Variants in DDIAS observed in about 807,000 individuals in gnomAD.
The protein encoded by DDIAS is DNA damage induced apoptosis suppressor, also known as DNA damage-induced apoptosis suppressor protein.
Under a neutral mutation model 15.7 loss-of-function variants are expected in DDIAS, and 14 were observed. The observed-to-expected ratio is 0.89, with a 90% CI of 0.59 to 1.39. DDIAS has a LOEUF of 1.39. DDIAS is among the 40% of genes most tolerant of loss of function. DDIAS has a pLI of 0.00. For synonymous variants in DDIAS, 355 were observed against 395.9 expected, an observed-to-expected ratio of 0.90 and a Z score of 1.23; for missense variants, 1,035 against 1,130.9, an observed-to-expected ratio of 0.92 and a Z score of 1.22.
rs1042287972 is a variant in DDIAS at position 82,934,437 on chromosome 11, A to G, written c.*102A>G. Reference sequence around the variant, plus strand: ...TTTACATTTTGAACACTTGGAGAGAAGCAAATTGAAAACAGGACTCTGCTG... The same window carrying G: ...TTTACATTTTGAACACTTGGAGAGAGGCAAATTGAAAACAGGACTCTGCTG... On this transcript the variant is annotated 3_prime_UTR_variant, in exon 6 of 6. Transcript: ENST00000533655. 2 of 1,225,138 alleles carry G rather than the reference A, an allele frequency of 1.6e-6. No homozygotes were observed. The highest frequency in any genetic ancestry group is 3.1e-5 in the African/African-American group (2 of 65,572). The allele number at this position is 1,225,138 out of a possible 1,614,324, so 75.9% of individuals were successfully genotyped here. A position where few individuals can be genotyped will look rare whatever the true frequency, so the allele number is the denominator to read the frequency against.
rs147654461 is a variant in DDIAS, at chr11:82,927,723, T to C, written c.114-1054T>C. The stretch of plus-strand genomic sequence containing the variant: ...ACCTGAAAGATAGAAATCAGAGTTA[T>C]AATACATTGCAAACTAGAAGAGAAG... On this transcript the variant is annotated intron_variant, in intron 3 of 5. Coordinates refer to ENST00000533655, the MANE Select transcript of DDIAS (RefSeq NM_145018.4). 3.5e-3 allele frequency among the ~76,000 whole-genome samples: 532 copies of C among 152,358 alleles called. 6 individuals carry two copies. The highest frequency in any genetic ancestry group is 0.012 in the African/African-American group (495 of 41,584).
chr11:82,920,981 G>A (rs1860734293), intron 3 of DDIAS, among the ~76,000 whole-genome samples: 1 of 152,080 alleles, frequency 6.6e-6, no homozygotes, highest in South Asian at 2.1e-4. Flanking sequence ...TAGTATTGAA[G>A]TCCTCCACTA....
intron 1 of DDIAS, among the ~76,000 whole-genome samples, chr11:82,913,008 C>T (rs921046495): frequency 1.3e-5 from 2 of 152,130 alleles, no homozygotes; most frequent in Admixed American, 6.5e-5. Flanking sequence ...CACCCCAAAA[C>T]AATTACAATA....
chr11:82,914,585 G>T, intron 2 of DDIAS, 138 bp from the exon 3 acceptor site: 1 of 510,186 alleles, frequency 2.0e-6, no homozygotes. Context: ...CCAATACATT[G>T]ATACCACCTT....
At chr11:82,909,756 T>G (rs11823307) in intron 1 of DDIAS, among the ~76,000 whole-genome samples, 7,451 of 152,260 alleles carry the variant, frequency 0.049, 271 homozygotes, top group African/African-American at 0.1. Context: ...CATAATCGGC[T>G]TTGGCAGAAC....
intron 2 of DDIAS, 46 bp from the exon 3 acceptor site, chr11:82,914,662 AAAGAATATGCACTGC>A: frequency 1.2e-6 from 1 of 800,334 alleles, no homozygotes; most frequent in East Asian, 2.8e-5. Flanking sequence ...TTTCCTAAGA[AAAGAATATGCACTGC>A]AATGAAAGAT....
chr11:82,922,997 G>T (rs549289646), intron 3 of DDIAS, among the ~76,000 whole-genome samples: 4 of 152,106 alleles, frequency 2.6e-5, no homozygotes, highest in Non-Finnish European at 4.4e-5. Context: ...GTCTGGCTCC[G>T]GGGTGGTATT....
At chr11:82,907,534 G>A (rs1860456431) in intron 1 of DDIAS, among the ~76,000 whole-genome samples, 1 of 152,162 alleles carries the variant, frequency 6.6e-6, no homozygotes, top group African/African-American at 2.4e-5. Context: ...TCTGCTTATA[G>A]TTCTTCATTC....
Position 82,914,858 on chromosome 11 carries a change from G to T in DDIAS, c.113+7G>T. On this transcript the variant is annotated splice_region_variant and intron_variant, in intron 3 of 5. Coordinates refer to ENST00000533655, the MANE Select transcript of DDIAS (RefSeq NM_145018.4). ...TAATCCTGGTCTCCAAAAGGTAAAA[G>T]TAAAGTCTGTAAGTGTGAGAGAGGA... 2 of 1,523,800 alleles carry T rather than the reference G, an allele frequency of 1.3e-6. No homozygotes were observed. The highest frequency in any genetic ancestry group is 1.8e-6 in the Non-Finnish European group (2 of 1,102,032). The allele number at this position is 1,523,800 out of a possible 1,614,324, so 94.4% of individuals were successfully genotyped here.
intron 3 of DDIAS, among the ~76,000 whole-genome samples, chr11:82,915,292 G>A (rs533441818): frequency 1.1e-4 from 16 of 152,244 alleles, no homozygotes; most frequent in South Asian, 4.1e-4. Context: ...GGTGTTTGGC[G>A]TATAATTCTT....
At chr11:82,925,012 T>A (rs1010247451) in intron 3 of DDIAS, among the ~76,000 whole-genome samples, 5 of 152,174 alleles carry the variant, frequency 3.3e-5, no homozygotes, top group Non-Finnish European at 5.9e-5. Flanking sequence ...GAGTGCATAA[T>A]GGAGTTTCCC....
At chr11:82,921,674 G>C (rs2121344621) in intron 3 of DDIAS, among the ~76,000 whole-genome samples, 1 of 148,760 alleles carries the variant, frequency 6.7e-6, no homozygotes, top group Non-Finnish European at 1.5e-5. Context: ...GCCCCCCCAG[G>C]TTCAAGCAAT....
intron 1 of DDIAS, among the ~76,000 whole-genome samples, chr11:82,905,917 A>G (rs1184054670): frequency 6.6e-6 from 1 of 152,220 alleles, no homozygotes; most frequent in Non-Finnish European, 1.5e-5. Flanking sequence ...ATAAACTGCA[A>G]AAGATACCAC....
At chr11:82,902,231 A>C (rs1216838640) in intron 1 of DDIAS, among the ~76,000 whole-genome samples, 1 of 152,226 alleles carries the variant, frequency 6.6e-6, no homozygotes, top group Non-Finnish European at 1.5e-5. Context: ...TAACTGAGCC[A>C]TGTGCTTAAA....
chr11:82,931,854 T>C lies in DDIAS; in HGVS notation c.516T>C (p.Ile172=), dbSNP rs761249773. 1 of 1,614,236 alleles carries C rather than the reference T, an allele frequency of 6.2e-7. No homozygotes were observed. Among genetic ancestry groups the C allele is most frequent in the Non-Finnish European group, 8.5e-7 (1 of 1,180,044 alleles). Residue 172 remains isoleucine (I), a synonymous_variant, in exon 6 of 6, where the codon ATT becomes ATC. Transcript: ENST00000533655. ...ACQIVLPDPG[I]AGFTVIDYFH... ...AGATTGTTCTACCAGACCCAGGTAT[T>C]GCAGGCTTTACTGTCATTGACTACT...
chr11:82,931,248 A>G (rs1860978194), intron 5 of DDIAS, among the ~76,000 whole-genome samples: 1 of 152,206 alleles, frequency 6.6e-6, no homozygotes, highest in Admixed American at 6.5e-5. Context: ...TCTAAGGTTT[A>G]TATTCTCTTA....
intron 2 of DDIAS, chr11:82,914,082 A>AC (rs1217818057): frequency 9.3e-6 from 3 of 323,672 alleles, no homozygotes; most frequent in East Asian, 1.1e-4. Flanking sequence ...GATTACAGGC[A>AC]CCCCCCACCA....
chr11:82,933,213 T>C lies in DDIAS; in HGVS notation c.1875T>C (p.Phe625=). Residue 625 remains phenylalanine, a synonymous_variant, in exon 6 of 6, where the codon TTT becomes TTC. Coordinates refer to ENST00000533655, the MANE Select transcript of DDIAS (RefSeq NM_145018.4). ...CRWSKNQDDS[F]TICRKLTYPL... is the part of the protein sequence containing the mutation. ...GGTCCAAGAACCAAGATGACAGTTT[T>C]ACAATTTGCAGGAAACTTACATATC... The C allele has an allele frequency of 2.5e-6, 4 of 1,611,982 alleles. No individual in the cohort carries two copies. The highest frequency in any genetic ancestry group is 3.4e-6 in the Non-Finnish European group (4 of 1,179,594).
chr11:82,917,804 A>G lies in DDIAS; in HGVS notation c.113+2953A>G, dbSNP rs182145109. Among the ~76,000 whole-genome samples the G allele has an allele frequency of 2.6e-3, 395 of 152,304 alleles. 4 individuals carry two copies. Among genetic ancestry groups the G allele is most frequent in the African/African-American group, 9.2e-3 (383 of 41,568 alleles). ...CTCTGATTGCTGCATCCACACCAACATCTACTGGTTTTTGATTTTTTGATT... is the reference window on the plus strand; with the variant it reads ...CTCTGATTGCTGCATCCACACCAACGTCTACTGGTTTTTGATTTTTTGATT... On this transcript the variant is annotated intron_variant, in intron 3 of 5. Transcript: ENST00000533655.
Sources: allele counts gnomAD v4.1 joint callset (sites outside exome capture counted in the v4.1 genomes callset), GRCh38; gene constraint gnomAD v4.1.1; transcripts MANE v1.5; gene names NCBI Gene and HGNC (gene_info 2026-07-23, HGNC 2026-07-21).